NBPF9: variants seen among roughly 807,000 people sequenced by gnomAD.
NBPF9 encodes NBPF member 9.
In NBPF9, 91 loss-of-function variants were observed where a neutral mutation model predicts 97.8. The ratio of observed to expected loss-of-function variants is 0.93; its 90% CI spans 0.79 to 1.11. The LOEUF is 1.11. Ranked by LOEUF, NBPF9 falls within the 50% of genes least tolerant of loss-of-function variation. The probability of loss-of-function intolerance (pLI) is 0.00; values close to 1 mark genes in which losing one functional copy is unlikely to be tolerated. For missense variants in NBPF9, 992 were observed against 939.5 expected (o/e 1.06, Z -0.73); for synonymous variants, 334 against 359.5 (o/e 0.93, Z 0.80).
At chr1:149,084,793 G>T (rs2080855202) in intron 5 of NBPF9, among the ~76,000 whole-genome samples, 1 of 140,816 alleles carries the variant, frequency 7.1e-6, no homozygotes, top group African/African-American at 2.5e-5. Flanking sequence ...GCTGACACTG[G>T]GGGGGCCAGA....
intron 13 of NBPF9, 126 bp from the exon 14 acceptor site, chr1:149,073,058 T>G (rs1301990916): frequency 0.047 from 40,329 of 860,846 alleles, 2,042 homozygotes; most frequent in Non-Finnish European, 0.059. Flanking sequence ...AGCACATGTT[T>G]AAAGGAATGT....
intron 5 of NBPF9, among the ~76,000 whole-genome samples, chr1:149,089,212 C>A (rs1410962841): frequency 6.6e-6 from 1 of 152,186 alleles, no homozygotes; most frequent in Admixed American, 6.5e-5. Context: ...TTTACACGCA[C>A]ACCGCTGTTC....
intron 5 of NBPF9, among the ~76,000 whole-genome samples, chr1:149,089,623 A>C (rs2081285492): frequency 6.6e-6 from 1 of 152,304 alleles, no homozygotes; most frequent in South Asian, 2.1e-4. Context: ...AAAGGAGAAT[A>C]CTAGCTAATA....
rs1320623293 is a variant in NBPF9, at chr1:149,077,803, A to T, written c.566+80T>A. 10 of 1,582,556 alleles carry T rather than the reference A, an allele frequency of 6.3e-6. No individual in the cohort carries two copies. The African/African-American group carries it at 1.1e-4, about 17-fold the overall frequency. On this transcript the variant is annotated intron_variant, in intron 10 of 29. Transcript: ENST00000584027. ...AGGGGATGCGGGCTTTTGGCCCACC[A>T]TAGATGCCAGAGAGGGTGTGCCTCC...
intron 17 of NBPF9, among the ~76,000 whole-genome samples, chr1:149,069,004 A>C (rs1157433026): frequency 2.0e-5 from 3 of 152,312 alleles, no homozygotes; most frequent in African/African-American, 7.2e-5. Flanking sequence ...AAACTGAACA[A>C]CCTGCTCCTG....
intron 12 of NBPF9, among the ~76,000 whole-genome samples, chr1:149,075,429 C>T (rs1293217412): frequency 2.0e-5 from 3 of 152,202 alleles, no homozygotes; most frequent in Non-Finnish European, 4.4e-5. Flanking sequence ...CAATAAATGG[C>T]AGTTTAACTC....
intron 11 of NBPF9, among the ~76,000 whole-genome samples, chr1:149,076,937 G>A (rs2079927198): frequency 6.6e-6 from 1 of 151,260 alleles, no homozygotes; most frequent in Non-Finnish European, 1.5e-5. Context: ...TGGGACTATA[G>A]GCATGCAGCA....
intron 26 of NBPF9, 149 bp from the exon 27 acceptor site, chr1:149,058,364 T>C: frequency 2.3e-6 from 1 of 428,728 alleles, no homozygotes; most frequent in Admixed American, 3.9e-5. Flanking sequence ...GCCTGAAAGC[T>C]GGTCATGATA....
chr1:149,073,359 T>G (rs1284625507), intron 13 of NBPF9, among the ~76,000 whole-genome samples: 1 of 139,950 alleles, frequency 7.1e-6, no homozygotes, highest in South Asian at 2.5e-4. Flanking sequence ...AAGAAAAGAA[T>G]GACAGGGTCG....
intron 4 of NBPF9, among the ~76,000 whole-genome samples, chr1:149,098,204 C>T (rs1370488443): frequency 6.6e-6 from 1 of 151,676 alleles, no homozygotes; most frequent in African/African-American, 2.4e-5. Flanking sequence ...GGAGAGAACA[C>T]TGTCCTCTCC....
At chr1:149,055,933 G>A (rs782502877) in intron 29 of NBPF9, 34 bp from the exon 30 acceptor site, 5 of 1,611,782 alleles carry the variant, frequency 3.1e-6, no homozygotes, top group East Asian at 4.5e-5. Flanking sequence ...GAAGCAGCCA[G>A]GGAAAATCAG....
At chr1:149,065,583 T>C (rs1413044410) in exon 18 of NBPF9, 1 of 1,609,816 alleles carries the variant, frequency 6.2e-7, no homozygotes, top group Non-Finnish European at 8.5e-7. Flanking sequence ...AATGTGCTGC[T>C]GTAAGACTTG....
chr1:149,076,117 G>A (rs2079844833), intron 11 of NBPF9, among the ~76,000 whole-genome samples: 1 of 152,036 alleles, frequency 6.6e-6, no homozygotes, highest in African/African-American at 2.4e-5. Context: ...GCAAGGCTTG[G>A]CCCTGAGATT....
chr1:149,079,775 T>C (rs1389424892), intron 8 of NBPF9, among the ~76,000 whole-genome samples: 5 of 151,946 alleles, frequency 3.3e-5, no homozygotes, highest in Admixed American at 6.6e-5. Flanking sequence ...TGAATGCTGC[T>C]AGGTGGTTCC....
At chr1:149,076,908 C>T (rs1308277937) in intron 11 of NBPF9, among the ~76,000 whole-genome samples, 2 of 151,590 alleles carry the variant, frequency 1.3e-5, no homozygotes, top group African/African-American at 2.4e-5. Context: ...CATCCTCCCA[C>T]CTAAGTCTCC....
intron 5 of NBPF9, among the ~76,000 whole-genome samples, chr1:149,089,981 G>A: frequency 2.6e-5 from 4 of 152,070 alleles, no homozygotes; most frequent in Non-Finnish European, 5.9e-5. Context: ...TGTCCAGACA[G>A]AGCCCACAAG....
At position 149,072,711 on chromosome 1, in the gene NBPF9, A is replaced by C; in HGVS notation, c.1306+7T>G. ...TTTTGGGTCAACAGGGCCTATGGCC[A>C]CCTTACCTGGGCTGAGCTTTTGGAC... On this transcript the variant is annotated splice_region_variant and intron_variant, in intron 14 of 29. Coordinates refer to ENST00000584027, the Ensembl canonical transcript of NBPF9. 2 of 1,611,724 alleles carry C rather than the reference A, an allele frequency of 1.2e-6. No homozygotes were observed. The highest frequency in any genetic ancestry group is 1.7e-6 in the Non-Finnish European group (2 of 1,179,674).
In NBPF9 at chr1:149,060,182, A is replaced by G. The variant is rs1168858903; in HGVS notation, c.2476+341T>C. The G allele has an allele frequency of 5.5e-5, 9 of 164,050 alleles. 2 individuals are homozygous for G. The highest frequency in any genetic ancestry group is 1.0e-4 in the Non-Finnish European group (9 of 87,836). 10.2% of individuals were successfully genotyped at this position (164,050 alleles called of 1,614,324 possible). A position where few individuals can be genotyped will look rare whatever the true frequency, so the allele number is the denominator to read the frequency against. Reference sequence around the variant, plus strand: ...ACTCAGATTGTTCATGGTTGTGAGGACTTTAGACACTGAAATTAGAGTGAA... The same window carrying G: ...ACTCAGATTGTTCATGGTTGTGAGGGCTTTAGACACTGAAATTAGAGTGAA... On this transcript the variant is annotated intron_variant, in intron 24 of 29. Transcript: ENST00000584027.
intron 17 of NBPF9, among the ~76,000 whole-genome samples, chr1:149,068,594 G>A (rs1431469194): frequency 6.6e-6 from 1 of 151,492 alleles, no homozygotes. Flanking sequence ...AAATATATAT[G>A]CACCCTATAC....
Sources: allele counts gnomAD v4.1 joint callset (sites outside exome capture counted in the v4.1 genomes callset), GRCh38; gene constraint gnomAD v4.1.1; transcripts MANE v1.5; gene names NCBI Gene and HGNC (gene_info 2026-07-23, HGNC 2026-07-21).